CSMD1: variants seen among roughly 807,000 people sequenced by gnomAD.
CSMD1 encodes CUB and sushi domain-containing protein 1.
Under a neutral mutation model 417.5 loss-of-function variants are expected in CSMD1, and 213 were observed. The observed-to-expected ratio is 0.51, with a 90% confidence interval of 0.46 to 0.57. The LOEUF is 0.57. CSMD1 is among the 20% of genes least tolerant of loss of function. CSMD1 has a pLI of 0.00. For missense variants in CSMD1, 6,923 were observed against 4,529.7 expected, an observed-to-expected ratio of 1.53 and a Z score of -15.17; for synonymous variants, 2,862 against 1,736.8, an observed-to-expected ratio of 1.65 and a Z score of -16.11.
intron 5 of CSMD1, among the ~76,000 whole-genome samples, chr8:3,905,450 C>T (rs779690191): frequency 2.0e-5 from 3 of 152,150 alleles, no homozygotes; most frequent in Non-Finnish European, 2.9e-5. Context: ...AATGTAAGAC[C>T]CCCCAACACG....
chr8:4,330,457 G>A (rs191474063), intron 3 of CSMD1, among the ~76,000 whole-genome samples: 1 of 152,104 alleles, frequency 6.6e-6, no homozygotes, highest in East Asian at 1.9e-4. Flanking sequence ...ATGCATGTTG[G>A]CAGGTGCCTG....
intron 18 of CSMD1, among the ~76,000 whole-genome samples, chr8:3,372,697 C>A (rs13256371): frequency 1.3e-5 from 2 of 151,804 alleles, no homozygotes; most frequent in Non-Finnish European, 2.9e-5. Flanking sequence ...GTAAGGCAGG[C>A]GTTCAGCTTT....
chr8:4,189,666 A>G (rs1284412429), intron 3 of CSMD1, among the ~76,000 whole-genome samples: 1 of 152,146 alleles, frequency 6.6e-6, no homozygotes, highest in Non-Finnish European at 1.5e-5. Context: ...CTTATTTATC[A>G]TGGAATGCAT....
chr8:4,199,896 G>T lies in CSMD1; in HGVS notation c.416-167797C>A, dbSNP rs138338540. ...CAATATTTTTAGGCCCTTAGTGGAAGACAAGTCATACATTTTGTGGTGAAG... is the reference window on the plus strand; with the variant it reads ...CAATATTTTTAGGCCCTTAGTGGAATACAAGTCATACATTTTGTGGTGAAG... On this transcript the variant is annotated intron_variant, in intron 3 of 69. Coordinates refer to ENST00000635120, the MANE Select transcript of CSMD1 (RefSeq NM_033225.6). 2.6e-5 allele frequency among the ~76,000 whole-genome samples: 4 copies of T among 152,182 alleles called. No homozygotes were observed. The South Asian group carries it at 8.3e-4, about 32-fold the overall frequency.
At chr8:4,505,177 G>T (rs1381515081) in intron 2 of CSMD1, among the ~76,000 whole-genome samples, 1 of 152,140 alleles carries the variant, frequency 6.6e-6, no homozygotes, top group Non-Finnish European at 1.5e-5. Flanking sequence ...GCTTTAGCTT[G>T]CATTGTTTCC....
At chr8:4,501,545 G>A (rs1221344956) in intron 2 of CSMD1, among the ~76,000 whole-genome samples, 1 of 152,030 alleles carries the variant, frequency 6.6e-6, no homozygotes, top group East Asian at 1.9e-4. Context: ...AGTTACCTAA[G>A]GTCAACTGTG....
At chr8:4,042,815 T>TAAAAAAGAAAAAAAAAAAA (rs1797959501) in intron 3 of CSMD1, among the ~76,000 whole-genome samples, 1 of 41,312 alleles carries the variant, frequency 2.4e-5, no homozygotes, top group Non-Finnish European at 4.3e-5. Context: ...TACAACATAT[T>TAAAAAAGAAAAAAAAAAAA]AAAAAAAAAA....
chr8:4,149,765 G>T lies in CSMD1; in HGVS notation c.416-117666C>A, dbSNP rs546793191. On this transcript the variant is annotated intron_variant, in intron 3 of 69. Coordinates refer to ENST00000635120, the MANE Select transcript of CSMD1 (RefSeq NM_033225.6). The stretch of plus-strand genomic sequence containing the variant: ...TCCAAGCATCCAGCCAGGCCTTGCT[G>T]GATGTGTCGTAGTTGCTTCAGGGAA... Among the ~76,000 whole-genome samples the T allele has an allele frequency of 4.6e-5, 7 of 152,300 alleles. No individual in the cohort carries two copies. The South Asian group carries it at 1.5e-3, about 32-fold the overall frequency.
chr8:3,681,553 T>C (rs1199643555), intron 7 of CSMD1, among the ~76,000 whole-genome samples: 3 of 152,142 alleles, frequency 2.0e-5, no homozygotes, highest in South Asian at 2.1e-4. Flanking sequence ...TACAAACAAA[T>C]GGAAGAACAT....
chr8:4,974,475 C>G (rs1810428874), intron 1 of CSMD1, among the ~76,000 whole-genome samples: 1 of 151,290 alleles, frequency 6.6e-6, no homozygotes, highest in Non-Finnish European at 1.5e-5. Flanking sequence ...ATATAAATCA[C>G]TACATGTTGA....
chr8:4,860,317 C>T (rs1802051459), intron 1 of CSMD1, among the ~76,000 whole-genome samples: 1 of 150,536 alleles, frequency 6.6e-6, no homozygotes, highest in African/African-American at 2.5e-5. Context: ...TGCTAGATGA[C>T]ATGTTAGTGG....
chr8:3,542,625 G>A (rs1424532701), intron 10 of CSMD1, among the ~76,000 whole-genome samples: 1 of 152,132 alleles, frequency 6.6e-6, no homozygotes, highest in African/African-American at 2.4e-5. Context: ...ATGCTGTATG[G>A]AGATACATAG....
chr8:4,824,979 G>T (rs1249644631), intron 1 of CSMD1, among the ~76,000 whole-genome samples: 1 of 152,076 alleles, frequency 6.6e-6, no homozygotes, highest in Non-Finnish European at 1.5e-5. Flanking sequence ...AATCTCTTTG[G>T]AAAGTGAGCG....
chr8:4,063,199 A>G (rs969845449), intron 3 of CSMD1, among the ~76,000 whole-genome samples: 2 of 152,182 alleles, frequency 1.3e-5, no homozygotes, highest in African/African-American at 2.4e-5. Context: ...AATTATCCTG[A>G]TTTGATCATG....
chr8:3,795,053 T>TAGCTATAGATATATATCTATCATGTAC (rs1799969083), intron 5 of CSMD1, among the ~76,000 whole-genome samples: 1 of 146,732 alleles, frequency 6.8e-6, no homozygotes, highest in African/African-American at 2.7e-5. Flanking sequence ...CTATCATGTA[T>TAGCTATAGATATATATCTATCATGTAC]AGCTATAGAT....
chr8:4,457,266 TCTTA>T (rs1799545227), intron 2 of CSMD1, among the ~76,000 whole-genome samples: 1 of 152,162 alleles, frequency 6.6e-6, no homozygotes, highest in Admixed American at 6.5e-5. Flanking sequence ...TGTTTGCCCA[TCTTA>T]CTTACATATA....
At chr8:4,112,165 G>C (rs1424825762) in intron 3 of CSMD1, among the ~76,000 whole-genome samples, 1 of 152,124 alleles carries the variant, frequency 6.6e-6, no homozygotes, top group African/African-American at 2.4e-5. Context: ...TAAAAGAGCT[G>C]GGCAGTCTAT....
rs564522729 is a variant in CSMD1, at chr8:4,320,436, G to A, written c.415+99517C>T. Among the ~76,000 whole-genome samples, 148 of 152,202 alleles carry A rather than the reference G, an allele frequency of 9.7e-4. 1 individual carries two copies. The highest frequency in any genetic ancestry group is 3.4e-3 in the African/African-American group (141 of 41,512). ...AGGTTTGTGACATAGGTAGACACGTGCCATGATGGTTTTCTGCACCTATCA... is the reference window on the plus strand; with the variant it reads ...AGGTTTGTGACATAGGTAGACACGTACCATGATGGTTTTCTGCACCTATCA... On this transcript the variant is annotated intron_variant, in intron 3 of 69. Transcript: ENST00000635120.
chr8:3,570,881 G>C (rs1240168568), intron 10 of CSMD1, among the ~76,000 whole-genome samples: 1 of 152,126 alleles, frequency 6.6e-6, no homozygotes, highest in African/African-American at 2.4e-5. Context: ...TTAAACAATA[G>C]GAACTCTAAG....
Sources: allele counts gnomAD v4.1 joint callset (sites outside exome capture counted in the v4.1 genomes callset), GRCh38; gene constraint gnomAD v4.1.1; transcripts MANE v1.5; gene names NCBI Gene and HGNC (gene_info 2026-07-23, HGNC 2026-07-21).